The following LRRC46 variants were observed in gnomAD, a reference collection of about 807,000 sequenced individuals.
LRRC46 encodes leucine-rich repeat-containing protein 46.
LRRC46 carries 20 observed loss-of-function variants against 28.0 expected under a neutral mutation model. The observed-to-expected ratio is 0.71, with a 90% confidence interval of 0.50 to 1.04. The LOEUF (loss-of-function observed/expected upper bound fraction) is 1.04, where lower values mean the gene tolerates loss of function less well. LRRC46 is among the 50% of genes least tolerant of loss of function. The pLI is 0.00. For synonymous variants in LRRC46, 156 were observed against 158.8 expected, an observed-to-expected ratio of 0.98 and a Z score of 0.13; for missense variants, 315 against 390.1, an observed-to-expected ratio of 0.81 and a Z score of 1.62.
intron 2 of LRRC46, 55 bp downstream of exon 2, chr17:47,832,260 C>T (rs569552101): frequency 1.5e-6 from 2 of 1,329,826 alleles, no homozygotes; most frequent in East Asian, 2.3e-5. Flanking sequence ...TCAGGATGAC[C>T]AGGTCCCTGA....
Position 47,837,676 on chromosome 17 carries a change from T to G in LRRC46, c.*556T>G. Reference sequence around the variant, plus strand: ...TCTCCCACCCCCACTGGTCCTGGGATAAAGTTCACTGAAGAGAAAATAAAG... The same window carrying G: ...TCTCCCACCCCCACTGGTCCTGGGAGAAAGTTCACTGAAGAGAAAATAAAG... On this transcript the variant is annotated 3_prime_UTR_variant, in exon 8 of 8. Transcript: ENST00000269025. 3.5e-6 allele frequency: 3 copies of G among 868,176 alleles called. No individual in the cohort carries two copies. The highest frequency in any genetic ancestry group is 5.0e-6 in the Non-Finnish European group (3 of 605,416). 53.8% of individuals were successfully genotyped at this position (868,176 alleles called of 1,614,324 possible).
rs2033634975 is a variant in LRRC46, at chr17:47,831,670, A to G, written c.-320A>G. The G allele has an allele frequency of 1.4e-6, 1 of 721,510 alleles. No homozygotes were observed. The highest frequency in any genetic ancestry group is 2.9e-5 in the Admixed American group (1 of 34,346). 44.7% of individuals were successfully genotyped at this position (721,510 alleles called of 1,614,324 possible). A position where few individuals can be genotyped will look rare whatever the true frequency, so the allele number is the denominator to read the frequency against. On this transcript the variant is annotated 5_prime_UTR_variant, in exon 1 of 8. Coordinates refer to ENST00000269025, the MANE Select transcript of LRRC46 (RefSeq NM_033413.4). ...CAACGGAGCCCGCCTTTACCTCCCC[A>G]CTCGGCGTCCAGTCTCTTAGCAACG...
intron 2 of LRRC46, among the ~76,000 whole-genome samples, 185 bp from the exon 3 acceptor site, chr17:47,834,240 C>T (rs1944788118): frequency 6.6e-6 from 1 of 152,122 alleles, no homozygotes; most frequent in Non-Finnish European, 1.5e-5. Context: ...TACGAGTCTG[C>T]AAGTCAAGCC....
rs1598042316 is a variant in LRRC46 at position 47,831,858 on chromosome 17, C to A, written c.-132C>A. ...CAGCAATTTTCTCTGAATCAACCCCCTTTCCTCCTCTCCTAAGTCTCTGAG... is the reference window on the plus strand; with the variant it reads ...CAGCAATTTTCTCTGAATCAACCCCATTTCCTCCTCTCCTAAGTCTCTGAG... On this transcript the variant is annotated 5_prime_UTR_variant, in exon 1 of 8. Transcript: ENST00000269025. 8.3e-7 allele frequency: 1 copy of A among 1,211,128 alleles called. No individual in the cohort carries two copies. Among genetic ancestry groups the A allele is most frequent in the East Asian group, 2.4e-5 (1 of 42,052 alleles). 75.0% of individuals were successfully genotyped at this position (1,211,128 alleles called of 1,614,324 possible). A position where few individuals can be genotyped will look rare whatever the true frequency, so the allele number is the denominator to read the frequency against.
In LRRC46 at chr17:47,832,189, GA is replaced by G; in HGVS notation, c.102del (p.Glu34AspfsTer29). 6.3e-7 allele frequency: 1 copy of G among 1,595,716 alleles called. No individual in the cohort carries two copies. Among genetic ancestry groups the G allele is most frequent in the Non-Finnish European group, 8.5e-7 (1 of 1,169,656 alleles). ...KRNLTFPEDG[E>X]LSEKMFHTLD... ...GAACTTGACTTTCCCTGAAGATGGG[GA>G]ACTGTCAGAGAAGATGTGAGTGCAT... On this transcript the variant is annotated frameshift_variant, in exon 2 of 8. Coordinates refer to ENST00000269025, the MANE Select transcript of LRRC46 (RefSeq NM_033413.4). LOFTEE classifies it high-confidence loss of function.
chr17:47,834,897 TTGGTGGTGG>T, intron 3 of LRRC46: 1 of 226,208 alleles, frequency 4.4e-6, no homozygotes, highest in Non-Finnish European at 8.7e-6. Context: ...TGAAGGCTGT[TTGGTGGTGG>T]TGGTGGTGGT....
chr17:47,831,866 C>A lies in LRRC46; in HGVS notation c.-124C>A. ...TTCTCTGAATCAACCCCCTTTCCTC[C>A]TCTCCTAAGTCTCTGAGTTTCTCTC... On this transcript the variant is annotated 5_prime_UTR_variant, in exon 1 of 8. Transcript: ENST00000269025. 7.8e-7 allele frequency: 1 copy of A among 1,289,818 alleles called. No individual in the cohort carries two copies. Among genetic ancestry groups the A allele is most frequent in the Non-Finnish European group, 1.1e-6 (1 of 908,766 alleles). 79.9% of individuals were successfully genotyped at this position (1,289,818 alleles called of 1,614,324 possible). A position where few individuals can be genotyped will look rare whatever the true frequency, so the allele number is the denominator to read the frequency against.
chr17:47,831,778 A>G lies in LRRC46; in HGVS notation c.-212A>G. The G allele has an allele frequency of 1.5e-6, 1 of 666,986 alleles. No individual in the cohort carries two copies. The allele number at this position is 666,986 out of a possible 1,614,324, so 41.3% of individuals were successfully genotyped here. ...CTTGCTGCCAGCAAAGCCCCTCCACACCCCTCAAACTCCAGACCCTTCACA... is the reference window on the plus strand; with the variant it reads ...CTTGCTGCCAGCAAAGCCCCTCCACGCCCCTCAAACTCCAGACCCTTCACA... On this transcript the variant is annotated 5_prime_UTR_variant, in exon 1 of 8. Coordinates refer to ENST00000269025, the MANE Select transcript of LRRC46 (RefSeq NM_033413.4).
chr17:47,837,227 C>G lies in LRRC46; in HGVS notation c.*107C>G, dbSNP rs2033710564. On this transcript the variant is annotated 3_prime_UTR_variant, in exon 8 of 8. Transcript: ENST00000269025. ...ATCCCCAGTAAAGTGTCTCTAGGCC[C>G]TGAGTATGCTTTTCATGTCACTTGG... 3 of 1,441,886 alleles carry G rather than the reference C, an allele frequency of 2.1e-6. No homozygotes were observed. The highest frequency in any genetic ancestry group is 2.9e-5 in the African/African-American group (2 of 69,754). The allele number at this position is 1,441,886 out of a possible 1,614,324, so 89.3% of individuals were successfully genotyped here. A position where few individuals can be genotyped will look rare whatever the true frequency, so the allele number is the denominator to read the frequency against.
chr17:47,835,817 T>G, intron 5 of LRRC46, 42 bp downstream of exon 5: 2 of 1,549,654 alleles, frequency 1.3e-6, no homozygotes. Flanking sequence ...ACATCCCCTG[T>G]GGGGCCTGCC....
Position 47,831,727 on chromosome 17 carries a change from A to T in LRRC46, c.-263A>T, listed in dbSNP as rs1020688176. 3.1e-6 allele frequency: 2 copies of T among 641,788 alleles called. No homozygotes were observed. The highest frequency in any genetic ancestry group is 3.7e-5 in the African/African-American group (2 of 54,418). 39.8% of individuals were successfully genotyped at this position (641,788 alleles called of 1,614,324 possible). ...GCTTCCTAGGAACTGCTCCTTTCTC[A>T]ACCATTCCTGCCCACAACACCCCAG... On this transcript the variant is annotated 5_prime_UTR_variant, in exon 1 of 8. Transcript: ENST00000269025.
At chr17:47,835,210 CTG>C in intron 3 of LRRC46, 141 bp from the exon 4 acceptor site, 1 of 851,174 alleles carries the variant, frequency 1.2e-6, no homozygotes, top group Non-Finnish European at 2.0e-6. Flanking sequence ...TAGTGGCAAC[CTG>C]TTCAAGGAGT....
rs924157870 is a variant in LRRC46, at chr17:47,837,006, C to T, written c.852C>T (p.Gly284=). The T allele has an allele frequency of 6.2e-7, 1 of 1,612,174 alleles. No individual in the cohort carries two copies. The highest frequency in any genetic ancestry group is 8.5e-7 in the Non-Finnish European group (1 of 1,179,544). ...TKKPCSLIPR[G]HQSSFWGRKG... ...AACCATGCAGTCTGATTCCCAGGGG[C>T]CACCAAAGCTCTTTCTGGGGAAGGA... Residue 284 remains glycine, a synonymous_variant, in exon 8 of 8, where the codon GGC becomes GGT. Transcript: ENST00000269025.
chr17:47,836,684 C>T lies in LRRC46; in HGVS notation c.596-66C>T. 6.3e-7 allele frequency: 1 copy of T among 1,581,274 alleles called. No homozygotes were observed. Among genetic ancestry groups the T allele is most frequent in the Non-Finnish European group, 8.6e-7 (1 of 1,167,032 alleles). The stretch of plus-strand genomic sequence containing the variant: ...GGCCAGCCAGAGACTTCCCTGAGCC[C>T]AGGGACCCTCCTGCTGAGCCCAGGG... On this transcript the variant is annotated intron_variant, in intron 7 of 7. Transcript: ENST00000269025. This position sits in a 1 kb window ranked among gnomAD's most constrained non-coding sequence, Gnocchi z 5.8.
rs1361106257 is a variant in LRRC46 at position 47,835,281 on chromosome 17, C to T, written c.226-72C>T. The T allele has an allele frequency of 4.7e-6, 7 of 1,487,336 alleles. No homozygotes were observed. In the South Asian group the frequency reaches 6.8e-5, roughly 14 times the overall value. The allele number at this position is 1,487,336 out of a possible 1,614,324, so 92.1% of individuals were successfully genotyped here. On this transcript the variant is annotated intron_variant, in intron 3 of 7. Transcript: ENST00000269025. ...CTGCAGAGTAGACATGGTCTTGGGG[C>T]TTTGTCCCCGTAAAGGGCCCCTGAC...
At position 47,832,098 on chromosome 17, in the gene LRRC46, AG is replaced by A; in HGVS notation, c.12del. ...GTCACAGTTGGACTCATCTTTTCAC[AG>A]GGAAGTCAGCCCAGGGTCCAGAGGA... is the stretch of plus-strand genomic sequence containing the variant. On this transcript the variant is annotated splice_acceptor_variant, in intron 1 of 7. Coordinates refer to ENST00000269025, the MANE Select transcript of LRRC46 (RefSeq NM_033413.4). LOFTEE classifies it high-confidence loss of function. 6.2e-7 allele frequency: 1 copy of A among 1,611,654 alleles called. No individual in the cohort carries two copies. Among genetic ancestry groups the A allele is most frequent in the African/African-American group, 1.3e-5 (1 of 74,966 alleles).
At chr17:47,835,150 T>C in intron 3 of LRRC46, 1 of 638,214 alleles carries the variant, frequency 1.6e-6, no homozygotes, top group South Asian at 1.8e-5. Context: ...ATACCCCAGG[T>C]TTACACCCTT....
Position 47,834,466 on chromosome 17 carries a change from G to A in LRRC46, c.158G>A (p.Arg53Gln), listed in dbSNP as rs553781394. 292 of 1,613,628 alleles carry A rather than the reference G, an allele frequency of 1.8e-4. 1 individual carries two copies. The highest frequency in any genetic ancestry group is 2.3e-4 in the Non-Finnish European group (273 of 1,179,764). The change falls in exon 3 of 8, where the codon CGG becomes CAG. Residue 53 changes from arginine to glutamine, a missense_variant. Transcript: ENST00000269025. ...GAACTGCAGACTGTCCGCCTGGACC[G>A]GGAGGGGATTACTACTATCAGGAAC... ...LDELQTVRLDREGITTIRNLE... is the reference protein window; with the variant it reads ...LDELQTVRLDQEGITTIRNLE...
Position 47,834,506 on chromosome 17 carries a change from G to A in LRRC46, c.198G>A (p.Gln66=). Residue 66 remains glutamine, a synonymous_variant, in exon 3 of 8, where the codon CAG becomes CAA. Transcript: ENST00000269025. ...ITTIRNLEGL[Q]NLHSLYLQGN... ...CTATCAGGAACTTAGAAGGCCTCCA[G>A]AATCTTCACAGTCTCTATCTGCAAG... The A allele has an allele frequency of 1.2e-6, 2 of 1,612,740 alleles. No individual in the cohort carries two copies. Among genetic ancestry groups the A allele is most frequent in the African/African-American group, 1.3e-5 (1 of 74,994 alleles).
Sources: gnomAD v4.1 joint callset for allele counts (sites outside exome capture counted in the v4.1 genomes callset) on GRCh38, gnomAD v4.1.1 for gene constraint, Gnocchi (gnomAD v3.1) non-coding constraint, MANE v1.5 for transcripts, NCBI Gene and HGNC (gene_info 2026-07-23, HGNC 2026-07-21) for gene names.